CNTNAP5: variants seen among roughly 807,000 people sequenced by gnomAD.
CNTNAP5 encodes contactin-associated protein-like 5.
Under a neutral mutation model 150.2 loss-of-function variants are expected in CNTNAP5, and 72 were observed. That is an observed-to-expected ratio of 0.48 (90% confidence interval 0.40 to 0.58). The LOEUF (loss-of-function observed/expected upper bound fraction) is 0.58. CNTNAP5 is among the 20% of genes least tolerant of loss of function. The probability of loss-of-function intolerance (pLI) is 0.00; values close to 1 mark genes in which losing one functional copy is unlikely to be tolerated. For synonymous variants in CNTNAP5, 672 were observed against 619.8 expected, an observed-to-expected ratio of 1.08 and a Z score of -1.25; for missense variants, 1,636 against 1,626.2, an observed-to-expected ratio of 1.01 and a Z score of -0.10.
chr2:124,454,234 G>T (rs1383683557), intron 6 of CNTNAP5, among the ~76,000 whole-genome samples: 1 of 152,144 alleles, frequency 6.6e-6, no homozygotes, highest in Non-Finnish European at 1.5e-5. Context: ...GACAGCAAAA[G>T]TGAGCAGGTG....
In CNTNAP5 at chr2:124,369,249, T is replaced by G. The variant is rs140594318; in HGVS notation, c.382-48194T>G. ...AGTCTTTGAATGCCTTTGTATATTTTCATAGAAAGAAACCTTGGAGGCCAC... is the reference window on the plus strand; with the variant it reads ...AGTCTTTGAATGCCTTTGTATATTTGCATAGAAAGAAACCTTGGAGGCCAC... On this transcript the variant is annotated intron_variant, in intron 3 of 23. Coordinates refer to ENST00000682447, the MANE Select transcript of CNTNAP5 (RefSeq NM_001367498.1). Among the ~76,000 whole-genome samples, 39 of 152,252 alleles carry G rather than the reference T, an allele frequency of 2.6e-4. No homozygotes were observed. In the East Asian group the frequency reaches 7.4e-3, roughly 29 times the overall value.
At chr2:124,710,793 C>T (rs147296215) in intron 13 of CNTNAP5, among the ~76,000 whole-genome samples, 5 of 152,154 alleles carry the variant, frequency 3.3e-5, no homozygotes, top group Non-Finnish European at 5.9e-5. Context: ...ATGTCTTAAT[C>T]GTTATCCAGC....
intron 5 of CNTNAP5, among the ~76,000 whole-genome samples, chr2:124,439,006 A>G (rs1692609565): frequency 6.6e-6 from 1 of 152,176 alleles, no homozygotes; most frequent in Non-Finnish European, 1.5e-5. Context: ...CAATTCTCTG[A>G]CATTAATCAC....
chr2:124,827,239 C>A (rs185931391), intron 19 of CNTNAP5, among the ~76,000 whole-genome samples: 1 of 152,044 alleles, frequency 6.6e-6, no homozygotes, highest in African/African-American at 2.4e-5. Flanking sequence ...AGATTCTTCC[C>A]GCTAGAAAAC....
At chr2:124,702,438 A>G (rs1380975493) in intron 13 of CNTNAP5, among the ~76,000 whole-genome samples, 1 of 124,190 alleles carries the variant, frequency 8.1e-6, no homozygotes, top group African/African-American at 3.1e-5. Context: ...CTTTAATGCC[A>G]CTCTCAACTT....
At chr2:124,829,513 A>G (rs1416988095) in intron 19 of CNTNAP5, among the ~76,000 whole-genome samples, 3 of 152,120 alleles carry the variant, frequency 2.0e-5, no homozygotes, top group Non-Finnish European at 4.4e-5. Flanking sequence ...CTAACATAAC[A>G]TCTCAACAGG....
chr2:124,765,971 G>T (rs185484845), intron 16 of CNTNAP5, among the ~76,000 whole-genome samples: 6 of 150,802 alleles, frequency 4.0e-5, no homozygotes, highest in Admixed American at 3.3e-4. Flanking sequence ...AAAAAAAATA[G>T]GTTAAAAAAA....
At chr2:124,375,630 G>T (rs1462945275) in intron 3 of CNTNAP5, among the ~76,000 whole-genome samples, 1 of 152,082 alleles carries the variant, frequency 6.6e-6, no homozygotes, top group African/African-American at 2.4e-5. Flanking sequence ...AAAGATTGTA[G>T]TTGAGTTAAT....
Position 124,367,996 on chromosome 2 carries a change from C to T in CNTNAP5, c.382-49447C>T, listed in dbSNP as rs573006673. 8.5e-5 allele frequency among the ~76,000 whole-genome samples: 13 copies of T among 152,204 alleles called. No individual in the cohort carries two copies. In the South Asian group the frequency reaches 1.2e-3, roughly 15 times the overall value. On this transcript the variant is annotated intron_variant, in intron 3 of 23. Coordinates refer to ENST00000682447, the MANE Select transcript of CNTNAP5 (RefSeq NM_001367498.1). Reference sequence around the variant, plus strand: ...GCACAGAGAGTGTCACGCTGGACATCGCATGCCTTTCAAATGTGTCTATAA... The same window carrying T: ...GCACAGAGAGTGTCACGCTGGACATTGCATGCCTTTCAAATGTGTCTATAA...
intron 1 of CNTNAP5, among the ~76,000 whole-genome samples, chr2:124,028,959 G>A (rs898477360): frequency 6.6e-6 from 1 of 152,106 alleles, no homozygotes; most frequent in Non-Finnish European, 1.5e-5. Context: ...TCAGAAGATA[G>A]CAGGAATACA....
Position 124,026,457 on chromosome 2 carries a change from T to C in CNTNAP5, c.82+725T>C, listed in dbSNP as rs561345827. On this transcript the variant is annotated intron_variant, in intron 1 of 23. Transcript: ENST00000682447. ...ACCTCGGCAAGTGTAGGACATTTAA[T>C]TTAATAGGCAAGAAGCCTGGGCTCC... is the stretch of plus-strand genomic sequence containing the variant. 6.6e-5 allele frequency among the ~76,000 whole-genome samples: 10 copies of C among 152,328 alleles called. No homozygotes were observed. The South Asian group carries it at 2.1e-3, about 32-fold the overall frequency.
intron 1 of CNTNAP5, among the ~76,000 whole-genome samples, chr2:124,049,428 C>T (rs955634978): frequency 6.6e-6 from 1 of 152,156 alleles, no homozygotes. Context: ...TGTTGATTTT[C>T]AACCTGAACA....
chr2:124,730,351 A>G (rs1483213110), intron 13 of CNTNAP5, among the ~76,000 whole-genome samples: 1 of 151,634 alleles, frequency 6.6e-6, no homozygotes, highest in Non-Finnish European at 1.5e-5. Flanking sequence ...GTACAGATAT[A>G]TATATATATA....
chr2:124,234,143 A>T (rs939171875), intron 2 of CNTNAP5, among the ~76,000 whole-genome samples: 7 of 152,118 alleles, frequency 4.6e-5, no homozygotes, highest in African/African-American at 7.2e-5. Context: ...TAAAAACAGG[A>T]ACAGTGTTTT....
intron 1 of CNTNAP5, among the ~76,000 whole-genome samples, chr2:124,029,952 C>T (rs1681000638): frequency 6.6e-6 from 1 of 151,992 alleles, no homozygotes; most frequent in African/African-American, 2.4e-5. Flanking sequence ...CTCAATAGGA[C>T]TTTATTGAAA....
At chr2:124,362,227 T>G (rs1690230769) in intron 3 of CNTNAP5, among the ~76,000 whole-genome samples, 1 of 152,232 alleles carries the variant, frequency 6.6e-6, no homozygotes, top group African/African-American at 2.4e-5. Flanking sequence ...CCTAGTGAGA[T>G]GAACCCGGTA....
At chr2:124,872,907 A>C (rs947687901) in intron 21 of CNTNAP5, among the ~76,000 whole-genome samples, 1 of 152,124 alleles carries the variant, frequency 6.6e-6, no homozygotes, top group Non-Finnish European at 1.5e-5. Flanking sequence ...GAAACTTTAC[A>C]GCAAGGTACT....
Position 124,073,241 on chromosome 2 carries a change from T to C in CNTNAP5, c.82+47509T>C, listed in dbSNP as rs149206209. Among the ~76,000 whole-genome samples the C allele has an allele frequency of 3.7e-3, 567 of 152,110 alleles. 5 individuals are homozygous for C. Among genetic ancestry groups the C allele is most frequent in the African/African-American group, 0.013 (548 of 41,538 alleles). ...GAATTAAAGCCTTAACTTAAAGACC[T>C]CATACTATGAAACTCCTACAAGAAA... On this transcript the variant is annotated intron_variant, in intron 1 of 23. Coordinates refer to ENST00000682447, the MANE Select transcript of CNTNAP5 (RefSeq NM_001367498.1).
intron 20 of CNTNAP5, among the ~76,000 whole-genome samples, chr2:124,867,115 T>A (rs563766302): frequency 6.6e-6 from 1 of 152,182 alleles, no homozygotes; most frequent in East Asian, 1.9e-4. Flanking sequence ...TTCTCCTTCC[T>A]CCCTCCCTTT....
Sources: allele counts gnomAD v4.1 joint callset (sites outside exome capture counted in the v4.1 genomes callset), GRCh38; gene constraint gnomAD v4.1.1; transcripts MANE v1.5; gene names NCBI Gene and HGNC (gene_info 2026-07-23, HGNC 2026-07-21).